Variants in KCTD17 observed in about 807,000 individuals in gnomAD.
The protein encoded by KCTD17 is potassium channel tetramerization domain containing 17.
A neutral mutation model predicts 41.5 loss-of-function variants in KCTD17; 20 were observed. That is an observed-to-expected ratio of 0.48 (90% CI 0.34 to 0.70). The LOEUF (loss-of-function observed/expected upper bound fraction) is 0.70, where lower values mean the gene tolerates loss of function less well. Ranked by LOEUF, KCTD17 falls within the 30% of genes least tolerant of loss-of-function variation. The pLI, the probability that KCTD17 is intolerant of heterozygous loss-of-function variation, is 0.01. For synonymous variants in KCTD17, 156 were observed against 173.8 expected, an observed-to-expected ratio of 0.90 and a Z score of 0.80; for missense variants, 317 against 427.2, an observed-to-expected ratio of 0.74 and a Z score of 2.27.
At position 37,062,747 on chromosome 22, in the gene KCTD17, GGTGGGCCCCAGGACCTCTGGGCAGA is replaced by G. The variant is rs1290197619; in HGVS notation, c.*158_*182del. 1 of 1,454,602 alleles carries G rather than the reference GGTGGGCCCCAGGACCTCTGGGCAGA, an allele frequency of 6.9e-7. No homozygotes were observed. Among genetic ancestry groups the G allele is most frequent in the African/African-American group, 1.4e-5 (1 of 70,102 alleles). The allele number at this position is 1,454,602 out of a possible 1,614,324, so 90.1% of individuals were successfully genotyped here. ...CCCCCTGGGACCTCTTAAGGCCCAAGGTGGGCCCCAGGACCTCTGGGCAGAGTGGACTGCTCATGGCAGATGTGTG... is the reference window on the plus strand; with the variant it reads ...CCCCCTGGGACCTCTTAAGGCCCAAGGTGGACTGCTCATGGCAGATGTGTG... On this transcript the variant is annotated 3_prime_UTR_variant, in exon 9 of 9. Coordinates refer to ENST00000403888, the MANE Select transcript of KCTD17 (RefSeq NM_001282684.2).
rs1041773779 is a variant in KCTD17, at chr22:37,061,352, G to A, written c.784+177G>A. On this transcript the variant is annotated intron_variant, in intron 7 of 8. Transcript: ENST00000403888. The surrounding 1 kb of genome is among the most constrained non-coding windows in gnomAD (Gnocchi z 6.6). ...AGGCCCCCTGGCCCTGCATCCCAGA[G>A]CGTCCTGCCTGCCGCCTCCTGCGCC... 4.7e-6 allele frequency: 7 copies of A among 1,480,620 alleles called. No individual in the cohort carries two copies. The highest frequency in any genetic ancestry group is 2.2e-5 in the Admixed American group (1 of 45,626). The allele number at this position is 1,480,620 out of a possible 1,614,324, so 91.7% of individuals were successfully genotyped here. A position where few individuals can be genotyped will look rare whatever the true frequency, so the allele number is the denominator to read the frequency against.
chr22:37,059,564 C>G, intron 5 of KCTD17, 126 bp downstream of exon 5: 1 of 1,145,722 alleles, frequency 8.7e-7, no homozygotes, highest in Non-Finnish European at 1.2e-6. Context: ...ATGCACAACC[C>G]CATGCTCACA....
intron 1 of KCTD17, 196 bp downstream of exon 1, chr22:37,052,145 C>A: frequency 1.3e-6 from 1 of 758,312 alleles, no homozygotes; most frequent in Non-Finnish European, 1.9e-6. Context: ...ATTGCCGTGG[C>A]AACGGGACGA....
intron 3 of KCTD17, among the ~76,000 whole-genome samples, chr22:37,056,749 T>C (rs1925169874): frequency 6.6e-6 from 1 of 152,018 alleles, no homozygotes; most frequent in Admixed American, 6.5e-5. Context: ...AGGGGGTCAG[T>C]GTGGAGGTAC....
Position 37,057,401 on chromosome 22 carries a change from C to T in KCTD17, c.394C>T (p.Pro132Ser). 6.2e-7 allele frequency: 1 copy of T among 1,613,592 alleles called. No homozygotes were observed. Among genetic ancestry groups the T allele is most frequent in the Non-Finnish European group, 8.5e-7 (1 of 1,179,680 alleles). Residue 132 changes from proline (P) to serine (S), a missense_variant, in exon 4 of 9, where the codon CCA (proline) becomes TCA (serine). Physicochemically the swap from Pro to Ser is moderately conservative, Grantham distance 74. This residue lies in a region of KCTD17 where 27 missense variants were observed against 24.0 expected (regional missense o/e 1.13). Coordinates refer to ENST00000403888, the MANE Select transcript of KCTD17 (RefSeq NM_001282684.2). The part of the protein sequence containing the change: ...EEKDYTVTQV[P>S]PKHVYRVLQC... ...TATGTGACCCTTCTGCCCACAGGTCCCACCCAAGCACGTGTACCGCGTGCT... is the reference window on the plus strand; with the variant it reads ...TATGTGACCCTTCTGCCCACAGGTCTCACCCAAGCACGTGTACCGCGTGCT...
At chr22:37,059,074 G>A (rs979615022) in intron 4 of KCTD17, among the ~76,000 whole-genome samples, 4 of 152,182 alleles carry the variant, frequency 2.6e-5, no homozygotes, top group South Asian at 4.1e-4. Context: ...CAGGGATCGG[G>A]CCAGCCAAGC....
intron 2 of KCTD17, among the ~76,000 whole-genome samples, chr22:37,054,178 C>T (rs1924823784): frequency 6.6e-6 from 1 of 152,180 alleles, no homozygotes; most frequent in Admixed American, 6.5e-5. Flanking sequence ...ACTGTAGGTG[C>T]CTGGCCCTGC....
chr22:37,052,132 C>A (rs1924564104), intron 1 of KCTD17, 183 bp downstream of exon 1: 3 of 849,396 alleles, frequency 3.5e-6, no homozygotes, highest in Non-Finnish European at 4.9e-6. Flanking sequence ...GAGGGATGTA[C>A]CCATTGCCGT....
intron 1 of KCTD17, chr22:37,052,620 C>T (rs1454493225): frequency 2.1e-6 from 1 of 471,038 alleles, no homozygotes; most frequent in Non-Finnish European, 4.4e-6. Context: ...CTCTCAATGT[C>T]TCCGATCTCT....
rs563636622 is a variant in KCTD17 at position 37,053,922 on chromosome 22, G to A, written c.298+714G>A. 6.6e-6 allele frequency among the ~76,000 whole-genome samples: 1 copy of A among 152,218 alleles called. No homozygotes were observed. The highest frequency in any genetic ancestry group is 1.5e-5 in the Non-Finnish European group (1 of 68,022). On this transcript the variant is annotated intron_variant, in intron 2 of 8. Coordinates refer to ENST00000403888, the MANE Select transcript of KCTD17 (RefSeq NM_001282684.2). This position sits in a 1 kb window ranked among gnomAD's most constrained non-coding sequence, Gnocchi z 4.1. ...AGTTAACTCTTCTTTGGGACACAGG[G>A]TGTGGCTCTGGGTCAGCTGATCCAG... is the stretch of plus-strand genomic sequence containing the variant.
Position 37,051,868 on chromosome 22 carries a change from G to A in KCTD17, c.108G>A (p.Leu36=), listed in dbSNP as rs541695792. ...VRLNVGGTVF[L]TTRQTLCREQ... ...TCAACGTGGGGGGCACGGTGTTCCT[G>A]ACCACCCGGCAGACGCTGTGCCGCG... The change falls in exon 1 of 9, where the codon CTG becomes CTA. Residue 36 remains leucine, a synonymous_variant. Transcript: ENST00000403888. 2.4e-5 allele frequency: 35 copies of A among 1,488,832 alleles called. No individual in the cohort carries two copies. In the South Asian group the frequency reaches 4.0e-4, roughly 17 times the overall value. The allele number at this position is 1,488,832 out of a possible 1,614,324, so 92.2% of individuals were successfully genotyped here. A position where few individuals can be genotyped will look rare whatever the true frequency, so the allele number is the denominator to read the frequency against.
chr22:37,061,274 T>C lies in KCTD17; in HGVS notation c.784+99T>C, dbSNP rs1925745315. The C allele has an allele frequency of 4.5e-6, 7 of 1,538,856 alleles. No homozygotes were observed. Among genetic ancestry groups the C allele is most frequent in the Non-Finnish European group, 5.2e-6 (6 of 1,145,262 alleles). ...CTGTCCGGGTTTTCTCTCTGCCTGCTCACGCCTCCATCCCGGGTCTGCCCT... is the reference window on the plus strand; with the variant it reads ...CTGTCCGGGTTTTCTCTCTGCCTGCCCACGCCTCCATCCCGGGTCTGCCCT... On this transcript the variant is annotated intron_variant, in intron 7 of 8. Transcript: ENST00000403888. This position sits in a 1 kb window ranked among gnomAD's most constrained non-coding sequence, Gnocchi z 6.6.
At position 37,061,407 on chromosome 22, in the gene KCTD17, G is replaced by A. The variant is rs1220505125; in HGVS notation, c.785-132G>A. On this transcript the variant is annotated intron_variant, in intron 7 of 8. Transcript: ENST00000403888. This position sits in a 1 kb window ranked among gnomAD's most constrained non-coding sequence, Gnocchi z 6.6. ...CTGGTACCTCCTGCCTCCCAGCCTG[G>A]GGAGGAGGGGCGCAGCTGCACCTCC... is the stretch of plus-strand genomic sequence containing the variant. 7.5e-6 allele frequency: 11 copies of A among 1,474,730 alleles called. No individual in the cohort carries two copies. Among genetic ancestry groups the A allele is most frequent in the African/African-American group, 1.4e-5 (1 of 71,632 alleles). The allele number at this position is 1,474,730 out of a possible 1,614,324, so 91.4% of individuals were successfully genotyped here.
Position 37,062,691 on chromosome 22 carries a change from CTT to C in KCTD17, c.*98_*99del. On this transcript the variant is annotated 3_prime_UTR_variant, in exon 9 of 9. Coordinates refer to ENST00000403888, the MANE Select transcript of KCTD17 (RefSeq NM_001282684.2). ...TCTGTCTGCACCCGTGGGGCTGTGA[CTT>C]ACTCCTGCCTCCAGGGGCGGGGCGG... 1 of 1,540,548 alleles carries C rather than the reference CTT, an allele frequency of 6.5e-7. No individual in the cohort carries two copies. Among genetic ancestry groups the C allele is most frequent in the South Asian group, 1.2e-5 (1 of 83,604 alleles).
chr22:37,052,086 G>A, intron 1 of KCTD17, 137 bp downstream of exon 1: 3 of 1,112,828 alleles, frequency 2.7e-6, no homozygotes, highest in South Asian at 4.9e-5. Context: ...GGGAAGAAGC[G>A]GCAGGAGGAG....
chr22:37,057,795 C>T (rs978611383), intron 4 of KCTD17, among the ~76,000 whole-genome samples: 3 of 152,156 alleles, frequency 2.0e-5, no homozygotes, highest in Admixed American at 1.3e-4. Flanking sequence ...AGTCTGTGGC[C>T]CCCGAAGGAC....
Position 37,061,523 on chromosome 22 carries a change from C to A in KCTD17, c.785-16C>A, listed in dbSNP as rs540099425. The A allele has an allele frequency of 1.9e-5, 30 of 1,599,130 alleles. No homozygotes were observed. In the South Asian group the frequency reaches 3.1e-4, roughly 16 times the overall value. ...TCCTCTCCTCCCGGCCTCCTCCTCA[C>A]GTTTCCTCCTTGCAGGTTCCCGTCC... On this transcript the variant is annotated splice_polypyrimidine_tract_variant and intron_variant, in intron 7 of 8. Transcript: ENST00000403888. This position sits in a 1 kb window ranked among gnomAD's most constrained non-coding sequence, Gnocchi z 6.6.
chr22:37,061,956 C>T lies in KCTD17; in HGVS notation c.875+327C>T. ...TTCTGTGGGGATGGGGAGGACAGGC[C>T]ACTTTTGGATACCCTTGGCCCATGA... is the stretch of plus-strand genomic sequence containing the variant. On this transcript the variant is annotated intron_variant, in intron 8 of 8. Transcript: ENST00000403888. The surrounding 1 kb of genome is among the most constrained non-coding windows in gnomAD (Gnocchi z 6.6). 1 of 985,404 alleles carries T rather than the reference C, an allele frequency of 1.0e-6. No homozygotes were observed. The highest frequency in any genetic ancestry group is 1.2e-6 in the Non-Finnish European group (1 of 829,922). The allele number at this position is 985,404 out of a possible 1,614,324, so 61.0% of individuals were successfully genotyped here. A position where few individuals can be genotyped will look rare whatever the true frequency, so the allele number is the denominator to read the frequency against.
At chr22:37,059,231 T>C (rs1270912590) in intron 4 of KCTD17, 82 bp from the exon 5 acceptor site, 3 of 1,583,162 alleles carry the variant, frequency 1.9e-6, no homozygotes, top group Non-Finnish European at 2.6e-6. Context: ...GTATCTTGAT[T>C]TGAGTGCCGA....
Sources: allele counts gnomAD v4.1 joint callset (sites outside exome capture counted in the v4.1 genomes callset), GRCh38; gene constraint gnomAD v4.1.1; regional missense constraint gnomAD v4.1.1; non-coding constraint Gnocchi (gnomAD v3.1); transcripts MANE v1.5; gene names NCBI Gene and HGNC (gene_info 2026-07-23, HGNC 2026-07-21).